Variants in MOSPD1 observed in about 807,000 individuals in gnomAD.
The protein encoded by MOSPD1 is motile sperm domain containing 1.
In MOSPD1, 5 loss-of-function variants were observed where a neutral mutation model predicts 16.7. That is an observed-to-expected ratio of 0.30 (90% CI 0.16 to 0.63). The LOEUF (loss-of-function observed/expected upper bound fraction) is 0.63. Ranked by LOEUF, MOSPD1 falls within the 30% of genes least tolerant of loss-of-function variation. MOSPD1 has a pLI of 0.82. For synonymous variants in MOSPD1, 67 were observed against 59.2 expected, an observed-to-expected ratio of 1.13 and a Z score of -0.61; for missense variants, 104 against 153.6, an observed-to-expected ratio of 0.68 and a Z score of 1.71.
chrX:134,902,923 T>G (rs2082919645), intron 1 of MOSPD1, among the ~76,000 whole-genome samples: 1 of 110,335 alleles, frequency 9.1e-6, no homozygotes, highest in African/African-American at 3.3e-5. Flanking sequence ...ATTCTAATTT[T>G]GCATTTTTAT....
intron 1 of MOSPD1, among the ~76,000 whole-genome samples, chrX:134,902,981 C>T (rs2082919885): frequency 1.9e-5 from 2 of 107,660 alleles, no homozygotes; most frequent in African/African-American, 6.8e-5. Context: ...AATGTGCTCT[C>T]AGAAGTTTGA....
intron 5 of MOSPD1, among the ~76,000 whole-genome samples, 188 bp from the exon 6 acceptor site, chrX:134,889,380 C>T (rs1232552832): frequency 8.9e-6 from 1 of 112,304 alleles, no homozygotes; most frequent in African/African-American, 3.2e-5. Context: ...TAGCAATGGG[C>T]AGTCACTGGA....
At chrX:134,905,597 C>T (rs776150556) in intron 1 of MOSPD1, among the ~76,000 whole-genome samples, 1 of 110,370 alleles carries the variant, frequency 9.1e-6, no homozygotes, top group Admixed American at 9.8e-5. Flanking sequence ...TCTACTAGGG[C>T]CTACTTTGAA....
chrX:134,902,211 C>G (rs183277330), intron 1 of MOSPD1, among the ~76,000 whole-genome samples: 1 of 109,704 alleles, frequency 9.1e-6, no homozygotes, highest in Non-Finnish European at 1.9e-5. Flanking sequence ...AGTTCGAGAC[C>G]AGCCTGACCA....
intron 2 of MOSPD1, 30 bp from the exon 3 acceptor site, chrX:134,899,195 T>TG: frequency 8.7e-7 from 1 of 1,147,694 alleles, no homozygotes; most frequent in Non-Finnish European, 1.2e-6. Flanking sequence ...TGGCCATTAG[T>TG]GTTTTTTTTT....
Position 134,899,111 on chromosome X carries a change from T to G in MOSPD1, c.209A>C (p.Lys70Thr). 8.3e-7 allele frequency: 1 copy of G among 1,209,313 alleles called. No individual in the cohort carries two copies. Among genetic ancestry groups the G allele is most frequent in the Non-Finnish European group, 1.1e-6 (1 of 893,970 alleles). ...YVVVDAAGAV[K>T]PQCCVDIVIR... The stretch of plus-strand genomic sequence containing the variant: ...TTACATATCCACACAACACTGAGGC[T>G]TTACTGCACCTGCAGCATCAACGAC... Residue 70 changes from lysine to threonine, a missense_variant, in exon 3 of 6, where the codon AAG becomes ACG. Physicochemically the swap from Lys to Thr is moderately conservative, Grantham distance 78 (BLOSUM62 -1). Coordinates refer to ENST00000370783, the MANE Select transcript of MOSPD1 (RefSeq NM_019556.3).
At position 134,888,090 on chromosome X, in the gene MOSPD1, C is replaced by T. The variant is rs1227673639; in HGVS notation, c.*1071G>A. ...AGGTAAAAATCCTTAGACAAAAGAT[C>T]AGTTACTATGAAAATAACAGTTAAA... is the stretch of plus-strand genomic sequence containing the variant. On this transcript the variant is annotated 3_prime_UTR_variant, in exon 6 of 6. Coordinates refer to ENST00000370783, the MANE Select transcript of MOSPD1 (RefSeq NM_019556.3). 1 of 112,312 alleles carries T rather than the reference C, an allele frequency of 8.9e-6. No homozygotes were observed. The highest frequency in any genetic ancestry group is 2.8e-4 in the East Asian group (1 of 3,612). The allele number at this position is 112,312 out of a possible 1,213,427, so 9.3% of individuals were successfully genotyped here. A position where few individuals can be genotyped will look rare whatever the true frequency, so the allele number is the denominator to read the frequency against.
chrX:134,907,857 C>T (rs1041996775), intron 1 of MOSPD1, among the ~76,000 whole-genome samples: 2 of 112,849 alleles, frequency 1.8e-5, no homozygotes, highest in African/African-American at 6.4e-5. Flanking sequence ...CAGCCTCAAA[C>T]TCCTGGGCTC....
At chrX:134,890,769 T>C (rs1175918780) in intron 5 of MOSPD1, among the ~76,000 whole-genome samples, 3 of 110,622 alleles carry the variant, frequency 2.7e-5, no homozygotes, top group Admixed American at 9.7e-5. Context: ...GATGGCAACA[T>C]TGCACTCCAG....
At chrX:134,909,256 GAGACTCCTCAAAAAAGAAAAAAGAA>G (rs1314197220) in intron 1 of MOSPD1, among the ~76,000 whole-genome samples, 11 of 107,546 alleles carry the variant, frequency 1.0e-4, no homozygotes, top group Non-Finnish European at 2.1e-4. Context: ...GGCGACAGGC[GAGACTCCTCAAAAAAGAAAAAAGAA>G]AGAAAGAGGA....
chrX:134,894,213 CTTATG>C (rs759613765), intron 4 of MOSPD1, among the ~76,000 whole-genome samples: 6 of 111,865 alleles, frequency 5.4e-5, no homozygotes, highest in Non-Finnish European at 1.1e-4. Context: ...GGTACATTTT[CTTATG>C]TTATTGCTAT....
intron 1 of MOSPD1, among the ~76,000 whole-genome samples, chrX:134,907,133 C>G (rs2082947307): frequency 9.0e-6 from 1 of 111,080 alleles, no homozygotes; most frequent in Non-Finnish European, 1.9e-5. Context: ...GAGGCTGAGG[C>G]AGGACAACTG....
At chrX:134,901,034 TACCAGC>T (rs2082909079) in intron 1 of MOSPD1, among the ~76,000 whole-genome samples, 11 of 112,215 alleles carry the variant, frequency 9.8e-5, no homozygotes, top group Admixed American at 2.8e-4. Context: ...GATTTGGTTT[TACCAGC>T]TATTGAGGCT....
intron 5 of MOSPD1, among the ~76,000 whole-genome samples, chrX:134,889,734 G>A (rs12009696): frequency 0.29 from 31,773 of 110,180 alleles, 3,735 homozygotes; most frequent in Middle Eastern, 0.42. Flanking sequence ...ATGGGACTGG[G>A]GCAGTCAGAA....
chrX:134,891,558 T>A lies in MOSPD1; in HGVS notation c.531A>T (p.Thr177=), dbSNP rs1157370357. The A allele has an allele frequency of 1.7e-6, 2 of 1,211,337 alleles. No individual in the cohort carries two copies. Among genetic ancestry groups the A allele is most frequent in the Non-Finnish European group, 1.1e-6 (1 of 895,172 alleles). Residue 177 remains threonine (T), a synonymous_variant, in exon 5 of 6, where the codon ACA becomes ACT. Transcript: ENST00000370783. ...VVCIAALMLP[T]LGDVESLVPL... ...GCACCAGCGATTCCACATCCCCCAG[T>A]GTAGGCAGCATCAGGGCTGCAATGC...
chrX:134,896,830 C>A lies in MOSPD1; in HGVS notation c.435G>T (p.Gln145His). 1.7e-6 allele frequency: 2 copies of A among 1,209,393 alleles called. No individual in the cohort carries two copies. The change falls in exon 4 of 6, where the codon CAG becomes CAT. Residue 145 changes from glutamine to histidine, a missense_variant. By Grantham distance (24) the Gln-to-His change is conservative. This residue lies in a region of MOSPD1 where 68 missense variants were observed against 73.1 expected (regional missense o/e 0.93). Coordinates refer to ENST00000370783, the MANE Select transcript of MOSPD1 (RefSeq NM_019556.3). Reference sequence around the variant, plus strand: ...ACCCAAAACTACCTGGTTGAAACGACTGCTCAAAAAATAAACTTTCAGTTA... The same window carrying A: ...ACCCAAAACTACCTGGTTGAAACGAATGCTCAAAAAATAAACTTTCAGTTA... ...EHLTESLFFE[Q>H]SFQPENRAVS... is the part of the protein sequence containing the mutation.
chrX:134,909,137 G>A (rs966841921), intron 1 of MOSPD1, among the ~76,000 whole-genome samples: 5 of 109,882 alleles, frequency 4.6e-5, no homozygotes, highest in East Asian at 2.9e-4. Flanking sequence ...CGGGAGTAGT[G>A]GCGGGTGCCT....
Position 134,909,030 on chromosome X carries a change from G to A in MOSPD1, c.-102+6152C>T, listed in dbSNP as rs190175703. Reference sequence around the variant, plus strand: ...CGCCTGTAATCCCAGCACTTTGGAAGGCCGAGGCGGGCGGATCACGAGATC... The same window carrying A: ...CGCCTGTAATCCCAGCACTTTGGAAAGCCGAGGCGGGCGGATCACGAGATC... On this transcript the variant is annotated intron_variant, in intron 1 of 5. Transcript: ENST00000370783. Among the ~76,000 whole-genome samples, 550 of 111,320 alleles carry A rather than the reference G, an allele frequency of 4.9e-3. 1 individual carries two copies. The highest frequency in any genetic ancestry group is 0.017 in the African/African-American group (523 of 30,628).
Position 134,899,479 on chromosome X carries a change from A to C in MOSPD1, c.-46T>G. ...TGCAGTTTCTGTTTTTACAGTCTCA[A>C]ATCTATTTTGGACTTTTCTTAGATT... is the stretch of plus-strand genomic sequence containing the variant. On this transcript the variant is annotated 5_prime_UTR_variant, in exon 2 of 6. The change creates a new upstream start codon in the 5' untranslated region. Transcript: ENST00000370783. The C allele has an allele frequency of 9.1e-7, 1 of 1,095,787 alleles. No individual in the cohort carries two copies. Among genetic ancestry groups the C allele is most frequent in the Non-Finnish European group, 1.2e-6 (1 of 836,338 alleles). The allele number at this position is 1,095,787 out of a possible 1,213,427, so 90.3% of individuals were successfully genotyped here. A position where few individuals can be genotyped will look rare whatever the true frequency, so the allele number is the denominator to read the frequency against.
Sources: allele counts gnomAD v4.1 joint callset (sites outside exome capture counted in the v4.1 genomes callset), GRCh38; gene constraint gnomAD v4.1.1; regional missense constraint gnomAD v4.1.1; transcripts MANE v1.5; gene names NCBI Gene and HGNC (gene_info 2026-07-23, HGNC 2026-07-21).